Variants in FUOM observed in about 807,000 individuals in gnomAD.
FUOM encodes the protein fucose mutarotase, also known as protein fucU homolog.
Under a neutral mutation model 18.3 loss-of-function variants are expected in FUOM, and 19 were observed. That is an observed-to-expected ratio of 1.04 (90% CI 0.73 to 1.53). The LOEUF (loss-of-function observed/expected upper bound fraction) is 1.53, where lower values mean the gene tolerates loss of function less well. Among genes scored for constraint, FUOM ranks in the 40% most tolerant of loss-of-function variants. The probability of loss-of-function intolerance (pLI) is 0.00; values close to 1 mark genes in which losing one functional copy is unlikely to be tolerated. For missense variants in FUOM, 210 were observed against 200.9 expected (o/e 1.04, Z -0.27); for synonymous variants, 102 against 87.9 (o/e 1.16, Z -0.90).
rs530169932 is a variant in FUOM, at chr10:133,357,421, G to A, written c.86-166C>T. ...GACCGGCCGCAGTCAGATCCGCAGG[G>A]CTGGAAGCCACGCGGGGAGGTGGGG... On this transcript the variant is annotated intron_variant, in intron 1 of 5. Transcript: ENST00000278025. 74 of 692,918 alleles carry A rather than the reference G, an allele frequency of 1.1e-4. No individual in the cohort carries two copies. In the East Asian group the frequency reaches 1.9e-3, roughly 18 times the overall value. The allele number at this position is 692,918 out of a possible 1,614,324, so 42.9% of individuals were successfully genotyped here.
At position 133,356,479 on chromosome 10, in the gene FUOM, C is replaced by T. The variant is rs553283629; in HGVS notation, c.324+161G>A. Reference sequence around the variant, plus strand: ...ACACTGCCCAGGTGCACCTCTTCCACCTGGCTGGTGAAGGAGTGCCAGTGG... The same window carrying T: ...ACACTGCCCAGGTGCACCTCTTCCATCTGGCTGGTGAAGGAGTGCCAGTGG... On this transcript the variant is annotated intron_variant, in intron 4 of 5. Coordinates refer to ENST00000278025, the MANE Select transcript of FUOM (RefSeq NM_001098483.3). Among the ~76,000 whole-genome samples, 3 of 152,332 alleles carry T rather than the reference C, an allele frequency of 2.0e-5. No homozygotes were observed. In the South Asian group the frequency reaches 6.2e-4, roughly 32 times the overall value.
At chr10:133,357,304 G>C in intron 1 of FUOM, 49 bp from the exon 2 acceptor site, 2 of 1,535,404 alleles carry the variant, frequency 1.3e-6, no homozygotes, top group South Asian at 2.4e-5. Flanking sequence ...CCTGCCCTCG[G>C]GGTCGGCGCC....
chr10:133,356,712 G>T lies in FUOM; in HGVS notation c.252C>A (p.Ser84Arg). Residue 84 changes from serine to arginine, a missense_variant, in exon 4 of 6, where the codon AGC (serine) becomes AGA (arginine). Physicochemically the swap from Ser to Arg is moderately radical, Grantham distance 110 (BLOSUM62 -1). Transcript: ENST00000278025. ...GGGTCTGCAGGCCCCTCTCCTTGTC[G>T]CTGGGCACCAGCTCCATGACTGCAG... ...SPAAVMELVP[S>R]DKERGLQTPV... The T allele has an allele frequency of 6.3e-7, 1 of 1,596,380 alleles. No individual in the cohort carries two copies. Among genetic ancestry groups the T allele is most frequent in the Non-Finnish European group, 8.5e-7 (1 of 1,170,544 alleles).
chr10:133,353,474 C>T (rs114078530), downstream of FUOM, among the ~76,000 whole-genome samples: 582 of 152,304 alleles, frequency 3.8e-3, 2 homozygotes, highest in African/African-American at 0.013. Context: ...ACACATTTGC[C>T]AGCTCCAGCA....
chr10:133,357,871 C>T, intron 1 of FUOM, 52 bp downstream of exon 1: 1 of 1,449,300 alleles, frequency 6.9e-7, no homozygotes, highest in Non-Finnish European at 9.3e-7. Context: ...GCAAGCCTCG[C>T]CCTCCTGCCT....
At chr10:133,355,847 G>A (rs372248872) in intron 4 of FUOM, 36 bp from the exon 5 acceptor site, 34 of 1,567,546 alleles carry the variant, frequency 2.2e-5, no homozygotes, top group Non-Finnish European at 2.8e-5. Flanking sequence ...AGGGAACCCT[G>A]CCAAGAAACC....
At position 133,355,827 on chromosome 10, in the gene FUOM, G is replaced by A; in HGVS notation, c.325-16C>T. On this transcript the variant is annotated splice_polypyrimidine_tract_variant and intron_variant, in intron 4 of 5. Transcript: ENST00000278025. The stretch of plus-strand genomic sequence containing the variant: ...CCAGGGCTCTCTGGAAGACAAAATG[G>A]CAGGGTTGGAGGGAACCCTGCCAAG... 1 of 1,610,606 alleles carries A rather than the reference G, an allele frequency of 6.2e-7. No individual in the cohort carries two copies. Among genetic ancestry groups the A allele is most frequent in the South Asian group, 1.1e-5 (1 of 91,042 alleles).
chr10:133,355,678 T>A, intron 5 of FUOM, 60 bp downstream of exon 5: 3 of 1,560,270 alleles, frequency 1.9e-6, no homozygotes, highest in Middle Eastern at 1.7e-4. Flanking sequence ...CCGGTGGGGA[T>A]GGGGGCAGCT....
Position 133,357,204 on chromosome 10 carries a change from A to G in FUOM, c.137T>C (p.Met46Thr), listed in dbSNP as rs773519762. Residue 46 changes from methionine to threonine, a missense_variant, in exon 2 of 6, where the codon ATG becomes ACG. Coordinates refer to ENST00000278025, the MANE Select transcript of FUOM (RefSeq NM_001098483.3). The stretch of plus-strand genomic sequence containing the variant: ...TCGCTCACCGTCTGCACGGATCTCC[A>G]TGGGCCCACACTGGCAGATGGAGGA... ...PASSICQCGPMEIRADGLGIP... is the reference protein window; with the variant it reads ...PASSICQCGPTEIRADGLGIP... 2.5e-6 allele frequency: 4 copies of G among 1,579,088 alleles called. No individual in the cohort carries two copies. In the South Asian group the frequency reaches 3.5e-5, roughly 14 times the overall value.
intron 1 of FUOM, chr10:133,357,665 G>A (rs866302218): frequency 2.0e-6 from 1 of 509,602 alleles, no homozygotes; most frequent in South Asian, 2.7e-5. Context: ...ACCCTCGGGG[G>A]CAGCCCAGAC....
downstream of FUOM, among the ~76,000 whole-genome samples, chr10:133,354,452 C>T (rs1848731192): frequency 6.6e-6 from 1 of 152,156 alleles, no homozygotes; most frequent in Non-Finnish European, 1.5e-5. Context: ...CCCCCTCGAG[C>T]CCCGGGGACA....
At chr10:133,357,829 G>A in intron 1 of FUOM, 94 bp downstream of exon 1, 2 of 1,029,240 alleles carry the variant, frequency 1.9e-6, no homozygotes, top group East Asian at 3.0e-5. Context: ...CACACCCCAG[G>A]ACGCGGCCCT....
rs1848832776 is a variant in FUOM, at chr10:133,357,167, G to A, written c.154+20C>T. 6.4e-7 allele frequency: 1 copy of A among 1,560,162 alleles called. No individual in the cohort carries two copies. The highest frequency in any genetic ancestry group is 8.7e-7 in the Non-Finnish European group (1 of 1,152,994). ...CGCTCACCCGCCCGCCCTGCCCTGG[G>A]GGACCTGGGGCTCGCTCACCGTCTG... On this transcript the variant is annotated intron_variant, in intron 2 of 5. Transcript: ENST00000278025.
rs756461207 is a variant in FUOM, at chr10:133,356,605, T to C, written c.324+35A>G. 3.4e-6 allele frequency: 5 copies of C among 1,465,922 alleles called. No individual in the cohort carries two copies. In the South Asian group the frequency reaches 4.1e-5, roughly 12 times the overall value. The allele number at this position is 1,465,922 out of a possible 1,614,324, so 90.8% of individuals were successfully genotyped here. ...GAGCCTCCAGGAGACAGAGGGTCCCTGGCCTTTTCCCCACAACTGGGGCTG... is the reference window on the plus strand; with the variant it reads ...GAGCCTCCAGGAGACAGAGGGTCCCCGGCCTTTTCCCCACAACTGGGGCTG... On this transcript the variant is annotated intron_variant, in intron 4 of 5. Coordinates refer to ENST00000278025, the MANE Select transcript of FUOM (RefSeq NM_001098483.3).
chr10:133,356,834 TG>T (rs919325852), intron 3 of FUOM, 96 bp from the exon 4 acceptor site: 40 of 1,444,090 alleles, frequency 2.8e-5, no homozygotes, highest in African/African-American at 7.1e-5. Context: ...AGGGCCCCTT[TG>T]GGGACACATG....
At chr10:133,356,822 T>C in intron 3 of FUOM, 84 bp from the exon 4 acceptor site, 1 of 1,445,248 alleles carries the variant, frequency 6.9e-7, no homozygotes, top group East Asian at 2.5e-5. Flanking sequence ...CTGGTGAGGG[T>C]CAGGGCCCCT....
chr10:133,355,216 C>A lies in FUOM; in HGVS notation c.*154G>T, dbSNP rs751313257. 43 of 729,282 alleles carry A rather than the reference C, an allele frequency of 5.9e-5. No individual in the cohort carries two copies. The highest frequency in any genetic ancestry group is 8.6e-5 in the Non-Finnish European group (39 of 454,832). 45.2% of individuals were successfully genotyped at this position (729,282 alleles called of 1,614,324 possible). ...TTTCACAAATCAGGGATACTCGTCC[C>A]AATTGGCAGGGCCCACCCCAAGACT... On this transcript the variant is annotated 3_prime_UTR_variant, in exon 6 of 6. Coordinates refer to ENST00000278025, the MANE Select transcript of FUOM (RefSeq NM_001098483.3).
chr10:133,357,400 G>T (rs757100024), intron 1 of FUOM, 145 bp from the exon 2 acceptor site: 31 of 782,128 alleles, frequency 4.0e-5, no homozygotes, highest in Non-Finnish European at 6.5e-5. Context: ...ACCGCCGACC[G>T]GCCGCAGTCA....
chr10:133,353,551 G>GT (rs1370675290), downstream of FUOM, among the ~76,000 whole-genome samples: 1 of 152,182 alleles, frequency 6.6e-6, no homozygotes, highest in Non-Finnish European at 1.5e-5. Context: ...CAGCCCTCGT[G>GT]TGGCCACTCA....
Sources: gnomAD v4.1 joint callset for allele counts (sites outside exome capture counted in the v4.1 genomes callset) on GRCh38, gnomAD v4.1.1 for gene constraint, MANE v1.5 for transcripts, NCBI Gene and HGNC (gene_info 2026-07-23, HGNC 2026-07-21) for gene names.